SNX25: variants seen among roughly 807,000 people sequenced by gnomAD.
The protein encoded by SNX25 is sorting nexin 25, also known as sorting nexin-25.
A neutral mutation model predicts 113.7 loss-of-function variants in SNX25; 62 were observed. The observed-to-expected ratio is 0.55, with a 90% CI of 0.44 to 0.67. The LOEUF (loss-of-function observed/expected upper bound fraction) is 0.67, where lower values mean the gene tolerates loss of function less well. Among genes scored for constraint, SNX25 ranks in the 30% least tolerant of loss-of-function variants. The probability of loss-of-function intolerance (pLI) is 0.00; values close to 1 mark genes in which losing one functional copy is unlikely to be tolerated. For synonymous variants in SNX25, 421 were observed against 436.2 expected, an observed-to-expected ratio of 0.97 and a Z score of 0.43; for missense variants, 1,014 against 1,161.0, an observed-to-expected ratio of 0.87 and a Z score of 1.84.
intron 2 of SNX25, among the ~76,000 whole-genome samples, chr4:185,258,470 T>A (rs867340589): frequency 2.8e-4 from 42 of 152,208 alleles, no homozygotes; most frequent in African/African-American, 1.0e-3. Context: ...AGCTCCAGTA[T>A]CATAAAGCAG....
chr4:185,343,221 G>A (rs1019239636), intron 12 of SNX25, among the ~76,000 whole-genome samples: 58 of 152,178 alleles, frequency 3.8e-4, no homozygotes, highest in African/African-American at 1.3e-3. Flanking sequence ...CTTGCTTTTT[G>A]TCTCTTTTTC....
chr4:185,327,477 T>A (rs576690672), intron 9 of SNX25, among the ~76,000 whole-genome samples: 8 of 152,320 alleles, frequency 5.3e-5, no homozygotes, highest in Admixed American at 5.2e-4. Context: ...GTTGTAAACA[T>A]CCCTCTCTTT....
chr4:185,349,138 C>T (rs2095303142), intron 13 of SNX25, among the ~76,000 whole-genome samples: 1 of 151,988 alleles, frequency 6.6e-6, no homozygotes, highest in Non-Finnish European at 1.5e-5. Flanking sequence ...TGTCTTGGGC[C>T]ACACATAAAA....
At chr4:185,224,637 A>G (rs1001234004) in intron 1 of SNX25, among the ~76,000 whole-genome samples, 3 of 146,922 alleles carry the variant, frequency 2.0e-5, no homozygotes, top group South Asian at 2.1e-4. Flanking sequence ...ATAAGTATAT[A>G]TAGATATAAA....
At chr4:185,248,288 CT>C (rs1452040801) in intron 2 of SNX25, among the ~76,000 whole-genome samples, 3 of 152,130 alleles carry the variant, frequency 2.0e-5, no homozygotes, top group Non-Finnish European at 4.4e-5. Flanking sequence ...TATTCATAAT[CT>C]TTAAAGTATG....
At chr4:185,240,000 T>C (rs1743444582) in intron 1 of SNX25, among the ~76,000 whole-genome samples, 1 of 150,870 alleles carries the variant, frequency 6.6e-6, no homozygotes, top group Non-Finnish European at 1.5e-5. Flanking sequence ...AGCATCTGTT[T>C]AACAAAGCAC....
chr4:185,299,995 A>C (rs576621790), intron 6 of SNX25, among the ~76,000 whole-genome samples: 2 of 152,326 alleles, frequency 1.3e-5, no homozygotes, highest in Non-Finnish European at 2.9e-5. Flanking sequence ...ATTTTTAAAA[A>C]TTGTATATCT....
chr4:185,361,838 T>G, intron 16 of SNX25, 86 bp from the exon 17 acceptor site: 1 of 1,314,302 alleles, frequency 7.6e-7, no homozygotes, highest in Non-Finnish European at 1.1e-6. Context: ...AGGCTGTATC[T>G]TAACCTTCGT....
At chr4:185,350,773 A>C (rs1400984703) in intron 13 of SNX25, among the ~76,000 whole-genome samples, 1 of 152,172 alleles carries the variant, frequency 6.6e-6, no homozygotes, top group Non-Finnish European at 1.5e-5. Flanking sequence ...GAGGCAGGAG[A>C]ATTGCTGGAA....
rs1737636834 is a variant in SNX25, at chr4:185,210,682, C to T, written c.429+427C>T. On this transcript the variant is annotated intron_variant, in intron 1 of 18. Transcript: ENST00000652585. This position sits in a 1 kb window ranked among gnomAD's most constrained non-coding sequence, Gnocchi z 4.4. ...TCTCGGTGGGAGGCAACTTTATGACCGTTTGCCGATGAGGAAACTTGCTTC... is the reference window on the plus strand; with the variant it reads ...TCTCGGTGGGAGGCAACTTTATGACTGTTTGCCGATGAGGAAACTTGCTTC... Among the ~76,000 whole-genome samples, 1 of 135,466 alleles carries T rather than the reference C, an allele frequency of 7.4e-6. No homozygotes were observed. Among genetic ancestry groups the T allele is most frequent in the Non-Finnish European group, 1.6e-5 (1 of 61,144 alleles). 88.9% of individuals were successfully genotyped at this position (135,466 alleles called of 152,430 possible). A position where few individuals can be genotyped will look rare whatever the true frequency, so the allele number is the denominator to read the frequency against.
chr4:185,374,787 C>T (rs1157478841), downstream of SNX25, among the ~76,000 whole-genome samples: 2 of 152,100 alleles, frequency 1.3e-5, no homozygotes, highest in East Asian at 3.9e-4. Flanking sequence ...AACCCTTATC[C>T]TGAATCAGCA....
At chr4:185,254,350 A>G (rs1239994479) in intron 2 of SNX25, among the ~76,000 whole-genome samples, 2 of 152,184 alleles carry the variant, frequency 1.3e-5, no homozygotes, top group Non-Finnish European at 2.9e-5. Flanking sequence ...GTTGTTTATC[A>G]TTGTCATTAG....
intron 1 of SNX25, among the ~76,000 whole-genome samples, chr4:185,230,578 T>C (rs79053816): frequency 3.3e-5 from 5 of 151,266 alleles, no homozygotes; most frequent in Non-Finnish European, 5.9e-5. Context: ...TTTTTTTTTT[T>C]AATAGAGACA....
At chr4:185,211,131 T>C (rs1737722667) in intron 1 of SNX25, among the ~76,000 whole-genome samples, 1 of 152,346 alleles carries the variant, frequency 6.6e-6, no homozygotes, top group South Asian at 2.1e-4. Context: ...TTCATAAGAA[T>C]ATTTGTTAAT....
intron 1 of SNX25, among the ~76,000 whole-genome samples, chr4:185,227,555 G>A (rs867389980): frequency 1.6e-4 from 25 of 152,190 alleles, no homozygotes; most frequent in African/African-American, 6.0e-4. Flanking sequence ...TTCCATCCAG[G>A]CAGCTTCATT....
At chr4:185,318,427 TTC>T (rs951964695) in intron 7 of SNX25, among the ~76,000 whole-genome samples, 1 of 152,216 alleles carries the variant, frequency 6.6e-6, no homozygotes, top group African/African-American at 2.4e-5. Flanking sequence ...TTCAGATAGG[TTC>T]TTTTTCTTTT....
chr4:185,299,293 G>C (rs746321577), intron 6 of SNX25, among the ~76,000 whole-genome samples: 4 of 152,172 alleles, frequency 2.6e-5, no homozygotes, highest in Non-Finnish European at 5.9e-5. Context: ...ATGTGCTCGT[G>C]CTTGATATGC....
intron 1 of SNX25, among the ~76,000 whole-genome samples, chr4:185,245,376 C>G (rs1458682990): frequency 1.3e-5 from 2 of 151,768 alleles, no homozygotes; most frequent in Admixed American, 6.6e-5. Context: ...GAGTCTTGCT[C>G]TCTCAGGCTG....
rs1366827238 is a variant in SNX25, at chr4:185,332,633, T to C, written c.1788T>C (p.Asp596=). The C allele has an allele frequency of 1.2e-6, 2 of 1,613,650 alleles. No individual in the cohort carries two copies. The highest frequency in any genetic ancestry group is 1.3e-5 in the African/African-American group (1 of 74,928). The change falls in exon 10 of 19, where the codon GAT becomes GAC. Residue 596 remains aspartate (D), a synonymous_variant. Transcript: ENST00000652585. ...AGGCTGGTGAGGAAGCCGTGGATGA[T>C]GGTACCAATCAGATCAATGAACAAG... The part of the protein sequence containing the change: ...RDEAGEEAVD[D]GTNQINEQAS...
Sources: gnomAD v4.1 joint callset for allele counts (sites outside exome capture counted in the v4.1 genomes callset) on GRCh38, gnomAD v4.1.1 for gene constraint, Gnocchi (gnomAD v3.1) non-coding constraint, MANE v1.5 for transcripts, NCBI Gene and HGNC (gene_info 2026-07-23, HGNC 2026-07-21) for gene names.